The following GALNT12 variants were observed in gnomAD, a reference collection of about 807,000 sequenced individuals.
GALNT12 encodes UDP-GalNAc:polypeptide N-acetylgalactosaminyltransferase 12.
Under a neutral mutation model 55.5 loss-of-function variants are expected in GALNT12, and 45 were observed. That is an observed-to-expected ratio of 0.81 (90% CI 0.64 to 1.04). GALNT12 has a LOEUF of 1.04. Among genes scored for constraint, GALNT12 ranks in the 50% least tolerant of loss-of-function variants. The probability of loss-of-function intolerance (pLI) is 0.00; values close to 1 mark genes in which losing one functional copy is unlikely to be tolerated. For missense variants in GALNT12, 709 were observed against 754.8 expected (o/e 0.94, Z 0.71); for synonymous variants, 304 against 312.2 (o/e 0.97, Z 0.28).
Position 98,837,023 on chromosome 9 carries a change from C to T in GALNT12, c.1087C>T (p.His363Tyr), listed in dbSNP as rs369793331. 6.2e-7 allele frequency: 1 copy of T among 1,614,066 alleles called. No homozygotes were observed. Among genetic ancestry groups the T allele is most frequent in the African/African-American group, 1.3e-5 (1 of 74,922 alleles). The part of the protein sequence containing the change: ...LETHPCSHVG[H>Y]VFPKQAPYSR... ...AACACACCCATGTTCCCATGTTGGC[C>T]ATGTTTTCCCCAAGCAAGCTCCCTA... is the stretch of plus-strand genomic sequence containing the variant. The change falls in exon 6 of 10, where the codon CAT (histidine) becomes TAT (tyrosine). Residue 363 changes from histidine (H) to tyrosine (Y), a missense_variant. Around this residue, in one of 5 missense-constraint regions of GALNT12, gnomAD observed 262 missense variants for 310.7 expected, o/e 0.84. Coordinates refer to ENST00000375011, the MANE Select transcript of GALNT12 (RefSeq NM_024642.5).
intron 4 of GALNT12, among the ~76,000 whole-genome samples, chr9:98,833,079 C>G (rs1836042031): frequency 6.6e-6 from 1 of 152,136 alleles, no homozygotes; most frequent in African/African-American, 2.4e-5. Context: ...GGAGTCTGCT[C>G]TGGCCAGTGG....
At chr9:98,836,917 G>T in intron 5 of GALNT12, 55 bp from the exon 6 acceptor site, 1 of 1,572,060 alleles carries the variant, frequency 6.4e-7, no homozygotes, top group South Asian at 1.1e-5. Flanking sequence ...AGATACTATG[G>T]ACCCGCAGCT....
intron 1 of GALNT12, among the ~76,000 whole-genome samples, chr9:98,814,779 A>G (rs1185558020): frequency 6.6e-6 from 1 of 152,160 alleles, no homozygotes; most frequent in African/African-American, 2.4e-5. Flanking sequence ...ACCAGCAGAG[A>G]TTATTGTAGT....
intron 9 of GALNT12, chr9:98,847,259 T>C (rs1231428547): frequency 1.3e-5 from 2 of 152,204 alleles, no homozygotes; most frequent in Non-Finnish European, 2.9e-5. Flanking sequence ...ATTCTAAAGA[T>C]GATTAAAAGC....
At position 98,836,955 on chromosome 9, in the gene GALNT12, CT is replaced by C. The variant is rs1443326100; in HGVS notation, c.1036-13del. On this transcript the variant is annotated splice_polypyrimidine_tract_variant and intron_variant, in intron 5 of 9. Transcript: ENST00000375011. Reference sequence around the variant, plus strand: ...TCCCCTGCTCACCACCTGGCCTCTCCTTTTCTCTGTGTGCAGATCTGGCAGT... The same window carrying C: ...TCCCCTGCTCACCACCTGGCCTCTCCTTTCTCTGTGTGCAGATCTGGCAGT... 6.2e-7 allele frequency: 1 copy of C among 1,613,852 alleles called. No individual in the cohort carries two copies. The highest frequency in any genetic ancestry group is 2.2e-5 in the East Asian group (1 of 44,896).
chr9:98,826,918 G>A lies in GALNT12; in HGVS notation c.708G>A (p.Gly236=). 1.3e-6 allele frequency: 2 copies of A among 1,569,816 alleles called. No homozygotes were observed. Among genetic ancestry groups the A allele is most frequent in the Non-Finnish European group, 8.6e-7 (1 of 1,157,416 alleles). ...FLDCHCECHE[G]WLEPLLQRIH... ...ACTGTCACTGTGAGTGCCACGAAGG[G>A]TGGCTGGAGCCGCTGCTGCAGAGGT... Residue 236 remains glycine, a synonymous_variant, in exon 3 of 10, where the codon GGG becomes GGA. Transcript: ENST00000375011.
At chr9:98,840,272 AC>A in intron 7 of GALNT12, 139 bp downstream of exon 7, 1 of 842,346 alleles carries the variant, frequency 1.2e-6, no homozygotes, top group South Asian at 1.5e-5. Context: ...ACCCCCCACC[AC>A]CTTTTTATCC....
chr9:98,837,421 C>A (rs531897719), intron 6 of GALNT12, among the ~76,000 whole-genome samples: 25 of 152,316 alleles, frequency 1.6e-4, no homozygotes, highest in African/African-American at 6.0e-4. Flanking sequence ...GGTTAGGTTC[C>A]TGCCAGACTT....
rs116805475 is a variant in GALNT12, at chr9:98,819,693, C to T, written c.372-3563C>T. The stretch of plus-strand genomic sequence containing the variant: ...TTCCAGGGAAGAGGACCCTGGACCC[C>T]GAGAAGGAGAAGAGTAATTGTCCTT... On this transcript the variant is annotated intron_variant, in intron 1 of 9. Transcript: ENST00000375011. Among the ~76,000 whole-genome samples the T allele has an allele frequency of 6.2e-3, 950 of 152,098 alleles. 7 individuals carry two copies. Among genetic ancestry groups the T allele is most frequent in the African/African-American group, 0.022 (901 of 41,474 alleles).
intron 9 of GALNT12, among the ~76,000 whole-genome samples, chr9:98,847,722 T>G (rs1438483381): frequency 2.0e-5 from 3 of 151,956 alleles, no homozygotes; most frequent in Non-Finnish European, 4.4e-5. Flanking sequence ...CAAATATATA[T>G]TGAACAGAAA....
chr9:98,840,738 A>T (rs1239010925), intron 7 of GALNT12, among the ~76,000 whole-genome samples: 1 of 152,214 alleles, frequency 6.6e-6, no homozygotes, highest in Non-Finnish European at 1.5e-5. Flanking sequence ...ATATTCAAAC[A>T]TATAGAAATG....
At chr9:98,845,511 G>A (rs888169885) in intron 8 of GALNT12, among the ~76,000 whole-genome samples, 1 of 152,264 alleles carries the variant, frequency 6.6e-6, no homozygotes, top group Admixed American at 6.5e-5. Context: ...TCCCGTTAGC[G>A]GTCACATTGT....
intron 7 of GALNT12, among the ~76,000 whole-genome samples, chr9:98,841,385 T>C (rs1836281494): frequency 6.6e-6 from 1 of 152,216 alleles, no homozygotes; most frequent in Non-Finnish European, 1.5e-5. Context: ...ATAGGAAGTA[T>C]GGTCATCTTT....
Position 98,824,100 on chromosome 9 carries a change from C to G in GALNT12, c.541+675C>G, listed in dbSNP as rs575554323. On this transcript the variant is annotated intron_variant, in intron 2 of 9. Coordinates refer to ENST00000375011, the MANE Select transcript of GALNT12 (RefSeq NM_024642.5). ...ACCCCTGCTGATGGGGCATCTGCTG[C>G]CTCAGATGCTGCACTTGCTCTGACT... Among the ~76,000 whole-genome samples, 21 of 152,338 alleles carry G rather than the reference C, an allele frequency of 1.4e-4. No homozygotes were observed. The East Asian group carries it at 4.0e-3, about 29-fold the overall frequency.
At chr9:98,808,323 G>A (rs1455040442) in intron 1 of GALNT12, among the ~76,000 whole-genome samples, 1 of 152,188 alleles carries the variant, frequency 6.6e-6, no homozygotes. Flanking sequence ...TCCTTGAGAA[G>A]TTATCATCTC....
At chr9:98,830,437 A>G (rs1474420897) in intron 3 of GALNT12, among the ~76,000 whole-genome samples, 10 of 152,218 alleles carry the variant, frequency 6.6e-5, no homozygotes, top group Admixed American at 6.5e-4. Flanking sequence ...CCAGATGCCA[A>G]TAGCATCCCT....
intron 1 of GALNT12, among the ~76,000 whole-genome samples, chr9:98,810,159 A>AT (rs1428343435): frequency 6.6e-6 from 1 of 152,042 alleles, no homozygotes; most frequent in African/African-American, 2.4e-5. Context: ...GGGTCTTGAG[A>AT]TTTTGCCTGA....
chr9:98,830,430 G>A (rs1420009015), intron 3 of GALNT12, among the ~76,000 whole-genome samples: 1 of 152,224 alleles, frequency 6.6e-6, no homozygotes, highest in Non-Finnish European at 1.5e-5. Context: ...TTCTGGCCCA[G>A]ATGCCAATAG....
intron 7 of GALNT12, among the ~76,000 whole-genome samples, chr9:98,843,773 GT>G (rs1836351724): frequency 6.6e-6 from 1 of 152,116 alleles, no homozygotes; most frequent in African/African-American, 2.4e-5. Context: ...CTAGTTCGAG[GT>G]ATCAACCCAG....
Sources: gnomAD v4.1 joint callset for allele counts (sites outside exome capture counted in the v4.1 genomes callset) on GRCh38, gnomAD v4.1.1 for gene constraint, gnomAD v4.1.1 regional missense constraint, MANE v1.5 for transcripts, NCBI Gene and HGNC (gene_info 2026-07-23, HGNC 2026-07-21) for gene names.